Variants in CCDC148 observed in about 807,000 individuals in gnomAD.
CCDC148 encodes coiled-coil domain containing 148, also known as coiled-coil domain-containing protein 148.
Under a neutral mutation model 85.7 loss-of-function variants are expected in CCDC148, and 89 were observed. The ratio of observed to expected loss-of-function variants is 1.04; its 90% CI spans 0.87 to 1.24. CCDC148 has a LOEUF of 1.24. Ranked by LOEUF, CCDC148 falls within the 50% of genes most tolerant of loss-of-function variation. The probability of loss-of-function intolerance (pLI) is 0.00; values close to 1 mark genes in which losing one functional copy is unlikely to be tolerated. For missense variants in CCDC148, 692 were observed against 671.7 expected, an observed-to-expected ratio of 1.03 and a Z score of -0.33; for synonymous variants, 230 against 213.9, an observed-to-expected ratio of 1.08 and a Z score of -0.66.
intron 1 of CCDC148, among the ~76,000 whole-genome samples, chr2:158,448,345 AT>A (rs145406168): frequency 1.4e-4 from 21 of 147,846 alleles, no homozygotes; most frequent in East Asian, 4.0e-4. Flanking sequence ...TTTCCATTTT[AT>A]TTTTTTTTTA....
chr2:158,175,741 T>C (rs1212257160), intron 13 of CCDC148, among the ~76,000 whole-genome samples: 1 of 152,108 alleles, frequency 6.6e-6, no homozygotes, highest in Non-Finnish European at 1.5e-5. Flanking sequence ...AGTAGAGACA[T>C]AAGCGGATGA....
At chr2:158,414,283 T>C (rs962698529) in intron 1 of CCDC148, among the ~76,000 whole-genome samples, 1 of 152,210 alleles carries the variant, frequency 6.6e-6, no homozygotes, top group African/African-American at 2.4e-5. Flanking sequence ...CCACAAATCT[T>C]ACCAAACCAG....
chr2:158,190,209 G>A (rs1489772595), intron 11 of CCDC148, among the ~76,000 whole-genome samples: 2 of 151,812 alleles, frequency 1.3e-5, no homozygotes, highest in Non-Finnish European at 2.9e-5. Flanking sequence ...TGACATCCAC[G>A]ACCATGATAC....
chr2:158,347,392 A>G (rs1683047399), intron 2 of CCDC148, among the ~76,000 whole-genome samples: 1 of 152,128 alleles, frequency 6.6e-6, no homozygotes, highest in Non-Finnish European at 1.5e-5. Context: ...TTTGCAGAAC[A>G]TACTGATTTT....
intron 1 of CCDC148, among the ~76,000 whole-genome samples, chr2:158,366,316 G>C (rs1394477805): frequency 6.6e-6 from 1 of 152,000 alleles, no homozygotes; most frequent in Non-Finnish European, 1.5e-5. Context: ...TCCTCCGCTG[G>C]ATTGTTCCAG....
chr2:158,329,641 A>G (rs1692986888), intron 7 of CCDC148, among the ~76,000 whole-genome samples: 1 of 152,110 alleles, frequency 6.6e-6, no homozygotes, highest in Non-Finnish European at 1.5e-5. Context: ...CCTACCCAAG[A>G]GCATGGAATG....
intron 1 of CCDC148, among the ~76,000 whole-genome samples, chr2:158,429,357 A>G (rs1204617758): frequency 1.4e-5 from 2 of 138,290 alleles, no homozygotes; most frequent in Non-Finnish European, 1.6e-5. Flanking sequence ...TAGAAAGAGC[A>G]TGAATAGATA....
At chr2:158,179,165 A>AGTTTTTTT (rs1684747897) in intron 11 of CCDC148, among the ~76,000 whole-genome samples, 169 bp from the exon 12 acceptor site, 1 of 47,650 alleles carries the variant, frequency 2.1e-5, no homozygotes, top group Non-Finnish European at 4.9e-5. Context: ...TATAAAATGC[A>AGTTTTTTT]ATTTTTTTTT....
chr2:158,199,763 G>C (rs532838887), intron 11 of CCDC148, among the ~76,000 whole-genome samples: 3 of 152,116 alleles, frequency 2.0e-5, no homozygotes, highest in Non-Finnish European at 4.4e-5. Context: ...TATCTGATTA[G>C]ATCATTATTG....
intron 12 of CCDC148, among the ~76,000 whole-genome samples, chr2:158,177,642 G>A (rs1422933730): frequency 6.6e-6 from 1 of 152,096 alleles, no homozygotes; most frequent in Non-Finnish European, 1.5e-5. Flanking sequence ...GTACCCAGAA[G>A]GCCATGATAT....
intron 3 of CCDC148, among the ~76,000 whole-genome samples, chr2:158,343,015 T>C (rs1682807223): frequency 6.6e-6 from 1 of 152,228 alleles, no homozygotes; most frequent in Non-Finnish European, 1.5e-5. Context: ...TCATTTTGTT[T>C]TGCTGTTTTT....
rs1684317682 is a variant in CCDC148, at chr2:158,171,399, A to G, written c.*714T>C. The G allele has an allele frequency of 6.6e-6, 1 of 152,010 alleles. No individual in the cohort carries two copies. Among genetic ancestry groups the G allele is most frequent in the African/African-American group, 2.4e-5 (1 of 41,432 alleles). The allele number at this position is 152,010 out of a possible 1,614,324, so 9.4% of individuals were successfully genotyped here. Reference sequence around the variant, plus strand: ...GTTTTATTTTAAATGCTCCTTTTCTATAAAATCATCTAAATATTTAATAGA... The same window carrying G: ...GTTTTATTTTAAATGCTCCTTTTCTGTAAAATCATCTAAATATTTAATAGA... On this transcript the variant is annotated 3_prime_UTR_variant, in exon 14 of 14. Transcript: ENST00000283233.
chr2:158,350,791 C>G (rs1683225467), intron 2 of CCDC148, among the ~76,000 whole-genome samples: 1 of 151,934 alleles, frequency 6.6e-6, no homozygotes, highest in African/African-American at 2.4e-5. Flanking sequence ...TTTATGGGCA[C>G]AATTTGATGT....
chr2:158,279,685 A>G (rs1176234773), intron 9 of CCDC148, among the ~76,000 whole-genome samples: 12 of 152,250 alleles, frequency 7.9e-5, no homozygotes, highest in Admixed American at 7.2e-4. Context: ...GAATGGAACC[A>G]AGTTGAAAAA....
At chr2:158,362,716 T>C (rs529228435) in intron 1 of CCDC148, among the ~76,000 whole-genome samples, 53 of 152,012 alleles carry the variant, frequency 3.5e-4, no homozygotes, top group African/African-American at 1.3e-3. Context: ...AGAGAAAGCA[T>C]GGGAAAGATC....
At chr2:158,175,582 C>T (rs887892111) in intron 13 of CCDC148, among the ~76,000 whole-genome samples, 1 of 152,050 alleles carries the variant, frequency 6.6e-6, no homozygotes, top group Non-Finnish European at 1.5e-5. Context: ...CTTTTGCTCA[C>T]TTCCTCCAGA....
intron 1 of CCDC148, among the ~76,000 whole-genome samples, chr2:158,395,832 T>A (rs1685498012): frequency 6.6e-6 from 1 of 152,156 alleles, no homozygotes; most frequent in Non-Finnish European, 1.5e-5. Context: ...TCCTCACATG[T>A]CTAACAGGAA....
At chr2:158,452,793 G>A (rs749724503) in intron 1 of CCDC148, among the ~76,000 whole-genome samples, 23 of 152,130 alleles carry the variant, frequency 1.5e-4, no homozygotes, top group African/African-American at 3.6e-4. Context: ...GTGGATATAC[G>A]TACTAGGAAG....
At chr2:158,439,607 C>T (rs1415472814) in intron 1 of CCDC148, among the ~76,000 whole-genome samples, 3 of 151,554 alleles carry the variant, frequency 2.0e-5, no homozygotes, top group Non-Finnish European at 4.4e-5. Flanking sequence ...CACATGTACC[C>T]TGGAAGTTAA....
Sources: allele counts gnomAD v4.1 joint callset (sites outside exome capture counted in the v4.1 genomes callset), GRCh38; gene constraint gnomAD v4.1.1; transcripts MANE v1.5; gene names NCBI Gene and HGNC (gene_info 2026-07-23, HGNC 2026-07-21).